CNTN3: variants seen among roughly 807,000 people sequenced by gnomAD.
CNTN3 encodes contactin-3.
A neutral mutation model predicts 119.1 loss-of-function variants in CNTN3; 60 were observed. That is an observed-to-expected ratio of 0.50 (90% CI 0.41 to 0.62). CNTN3 has a LOEUF of 0.62. CNTN3 is among the 20% of genes least tolerant of loss of function. The pLI is 0.00. For missense variants in CNTN3, 1,101 were observed against 1,242.4 expected (o/e 0.89, Z 1.71); for synonymous variants, 450 against 438.7 (o/e 1.03, Z -0.32).
chr3:74,307,558 A>G (rs1702590661), intron 13 of CNTN3, among the ~76,000 whole-genome samples: 6 of 152,184 alleles, frequency 3.9e-5, no homozygotes, highest in Admixed American at 3.9e-4. Context: ...TTAGATGATG[A>G]CACTAATGGA....
chr3:74,363,686 T>C (rs1345880970), intron 10 of CNTN3, among the ~76,000 whole-genome samples: 1 of 152,120 alleles, frequency 6.6e-6, no homozygotes, highest in East Asian at 1.9e-4. Context: ...ATGACTGTGG[T>C]AATACATTCA....
chr3:74,416,978 A>T (rs2106881380), intron 5 of CNTN3, among the ~76,000 whole-genome samples: 1 of 151,392 alleles, frequency 6.6e-6, no homozygotes, highest in African/African-American at 2.4e-5. Flanking sequence ...ACAGAGGGAC[A>T]TTCTAAAATA....
At position 74,602,569 on chromosome 3, in the gene CNTN3, T is replaced by C. The variant is rs577792774; in HGVS notation, c.-81+11822A>G. On this transcript the variant is annotated intron_variant, in intron 1 of 22. Coordinates refer to ENST00000263665, the MANE Select transcript of CNTN3 (RefSeq NM_020872.3). The stretch of plus-strand genomic sequence containing the variant: ...CTTCTGCCATAAGCTGTAGAGACTA[T>C]AATAAAATCTCAGACTTCCAGTCAG... 4.6e-4 allele frequency among the ~76,000 whole-genome samples: 70 copies of C among 152,182 alleles called. 4 individuals carry two copies. In the South Asian group the frequency reaches 0.014, roughly 30 times the overall value.
chr3:74,285,042 A>G (rs963169828), intron 20 of CNTN3, among the ~76,000 whole-genome samples: 1 of 152,200 alleles, frequency 6.6e-6, no homozygotes, highest in African/African-American at 2.4e-5. Context: ...ATTTTAAAAG[A>G]AAAGGGGATA....
intron 1 of CNTN3, among the ~76,000 whole-genome samples, chr3:74,539,873 T>C (rs1231343742): frequency 1.3e-5 from 2 of 152,082 alleles, no homozygotes; most frequent in Non-Finnish European, 2.9e-5. Context: ...TTCCACATTG[T>C]ATTTGTTCGG....
intron 13 of CNTN3, among the ~76,000 whole-genome samples, chr3:74,316,721 C>T (rs554385500): frequency 1.5e-3 from 226 of 151,984 alleles, no homozygotes; most frequent in Non-Finnish European, 1.8e-4. Context: ...GTCAGGAGAT[C>T]GAGACCATAC....
In CNTN3 at chr3:74,306,238, G is replaced by A. The variant is rs537599104; in HGVS notation, c.1669-3431C>T. Among the ~76,000 whole-genome samples, 78 of 139,904 alleles carry A rather than the reference G, an allele frequency of 5.6e-4. 3 individuals are homozygous for A. Among genetic ancestry groups the A allele is most frequent in the African/African-American group, 1.9e-3 (69 of 36,952 alleles). 91.8% of individuals were successfully genotyped at this position (139,904 alleles called of 152,430 possible). The stretch of plus-strand genomic sequence containing the variant: ...CCAAAAAAAAAAAAAAAAGAAACTC[G>A]GTAAAATTAGTTGAAATGGGATGAA... On this transcript the variant is annotated intron_variant, in intron 13 of 22. Coordinates refer to ENST00000263665, the MANE Select transcript of CNTN3 (RefSeq NM_020872.3).
At chr3:74,280,537 G>C (rs1452858336) in intron 20 of CNTN3, among the ~76,000 whole-genome samples, 1 of 152,184 alleles carries the variant, frequency 6.6e-6, no homozygotes, top group African/African-American at 2.4e-5. Flanking sequence ...ACCTTTCCCA[G>C]TGTGACTGGC....
chr3:74,331,166 C>T (rs1158243908), intron 13 of CNTN3, among the ~76,000 whole-genome samples: 1 of 152,214 alleles, frequency 6.6e-6, no homozygotes. Context: ...AGAGCAAGTT[C>T]CAGTCCTGCA....
chr3:74,448,889 A>G (rs1274972746), intron 4 of CNTN3, among the ~76,000 whole-genome samples: 1 of 152,138 alleles, frequency 6.6e-6, no homozygotes, highest in Non-Finnish European at 1.5e-5. Context: ...TAGTTGTAGG[A>G]AAAAGTTTGC....
At chr3:74,366,473 C>T (rs2106781781) in intron 8 of CNTN3, among the ~76,000 whole-genome samples, 1 of 151,960 alleles carries the variant, frequency 6.6e-6, no homozygotes, top group African/African-American at 2.4e-5. Flanking sequence ...ACAGTATATC[C>T]AGCCAAGTCT....
chr3:74,302,288 C>T (rs1702476226), intron 14 of CNTN3, among the ~76,000 whole-genome samples: 1 of 152,192 alleles, frequency 6.6e-6, no homozygotes, highest in Admixed American at 6.5e-5. Flanking sequence ...CAAATTTTCT[C>T]AGTCATTCTG....
intron 5 of CNTN3, among the ~76,000 whole-genome samples, chr3:74,383,891 C>T (rs906386798): frequency 1.3e-5 from 2 of 152,168 alleles, no homozygotes; most frequent in African/African-American, 4.8e-5. Flanking sequence ...AATTACAGAA[C>T]AGTTCACTGA....
At position 74,500,308 on chromosome 3, in the gene CNTN3, G is replaced by A. The variant is rs555392751; in HGVS notation, c.56-523C>T. ...GAGAAAGATACAGCACTGAACAGGC[G>A]TCTTTTTAAAGATGTTTCTACTTTG... On this transcript the variant is annotated intron_variant, in intron 2 of 22. Transcript: ENST00000263665. Among the ~76,000 whole-genome samples, 12 of 151,978 alleles carry A rather than the reference G, an allele frequency of 7.9e-5. No individual in the cohort carries two copies. In the South Asian group the frequency reaches 1.2e-3, roughly 16 times the overall value.
intron 20 of CNTN3, among the ~76,000 whole-genome samples, chr3:74,269,911 G>A (rs900179151): frequency 7.9e-5 from 12 of 152,156 alleles, no homozygotes; most frequent in Non-Finnish European, 1.6e-4. Flanking sequence ...AGTTCTGCAA[G>A]ATGAAAAGGG....
At chr3:74,582,470 A>G (rs13093482) in intron 1 of CNTN3, among the ~76,000 whole-genome samples, 1 of 152,122 alleles carries the variant, frequency 6.6e-6, no homozygotes, top group African/African-American at 2.4e-5. Flanking sequence ...TTAGCAGTAC[A>G]CTTTTATGAA....
intron 4 of CNTN3, among the ~76,000 whole-genome samples, chr3:74,448,264 A>G (rs367814404): frequency 6.6e-6 from 1 of 152,174 alleles, no homozygotes; most frequent in African/African-American, 2.4e-5. Flanking sequence ...AAACAAGTAG[A>G]TAAGTTTCTT....
intron 5 of CNTN3, among the ~76,000 whole-genome samples, chr3:74,381,979 C>T (rs577095005): frequency 3.9e-5 from 6 of 152,148 alleles, no homozygotes; most frequent in South Asian, 2.1e-4. Context: ...GAGGCCGAGG[C>T]GGGTGGATCA....
chr3:74,558,207 T>G (rs995490169), intron 1 of CNTN3, among the ~76,000 whole-genome samples: 1 of 152,170 alleles, frequency 6.6e-6, no homozygotes, highest in Admixed American at 6.6e-5. Flanking sequence ...GAACCCCCCA[T>G]AGGATGGGCT....
Sources: gnomAD v4.1 joint callset for allele counts (sites outside exome capture counted in the v4.1 genomes callset) on GRCh38, gnomAD v4.1.1 for gene constraint, MANE v1.5 for transcripts, NCBI Gene and HGNC (gene_info 2026-07-23, HGNC 2026-07-21) for gene names.